ARID1B: variants seen among roughly 807,000 people sequenced by gnomAD.
The protein encoded by ARID1B is AT-rich interactive domain-containing protein 1B.
A neutral mutation model predicts 212.3 loss-of-function variants in ARID1B; 30 were observed. The ratio of observed to expected loss-of-function variants is 0.14; its 90% CI spans 0.11 to 0.19. The LOEUF (loss-of-function observed/expected upper bound fraction) is 0.19, where lower values mean the gene tolerates loss of function less well. Ranked by LOEUF, ARID1B falls within the 10% of genes least tolerant of loss-of-function variation. The probability of loss-of-function intolerance (pLI) is 1.00; values close to 1 mark genes in which losing one functional copy is unlikely to be tolerated. For synonymous variants in ARID1B, 1,402 were observed against 1,301.7 expected (o/e 1.08, Z -1.66); for missense variants, 2,891 against 3,204.0 (o/e 0.90, Z 2.36).
chr6:156,849,408 G>A (rs1278717677), intron 2 of ARID1B, among the ~76,000 whole-genome samples: 1 of 152,200 alleles, frequency 6.6e-6, no homozygotes, highest in African/African-American at 2.4e-5. Context: ...GAGGGATAAT[G>A]TTACAGAATT....
At chr6:157,038,891 T>C (rs1169621450) in intron 4 of ARID1B, among the ~76,000 whole-genome samples, 1 of 151,982 alleles carries the variant, frequency 6.6e-6, no homozygotes, top group East Asian at 1.9e-4. Context: ...ACCTAACAGG[T>C]TCCTTTTGTA....
At chr6:156,799,495 T>C (rs1583061780) in intron 1 of ARID1B, among the ~76,000 whole-genome samples, 2 of 152,376 alleles carry the variant, frequency 1.3e-5, no homozygotes, top group East Asian at 3.9e-4. Context: ...TATATATATT[T>C]GGACACGGAG....
chr6:156,925,370 A>G (rs79076132), intron 3 of ARID1B, among the ~76,000 whole-genome samples: 2,762 of 152,212 alleles, frequency 0.018, 74 homozygotes, highest in African/African-American at 0.062. Context: ...TTTGTTGGGT[A>G]TGGTGCCACA....
At chr6:156,801,066 C>T (rs1780747784) in intron 1 of ARID1B, among the ~76,000 whole-genome samples, 1 of 152,078 alleles carries the variant, frequency 6.6e-6, no homozygotes, top group Non-Finnish European at 1.5e-5. Flanking sequence ...GTTCTAGAGA[C>T]TCTTGAGTTG....
chr6:156,886,526 T>C (rs1787516325), intron 2 of ARID1B, among the ~76,000 whole-genome samples: 1 of 152,192 alleles, frequency 6.6e-6, no homozygotes, highest in African/African-American at 2.4e-5. Context: ...ACCTCCAAAG[T>C]GTCCTTGCCT....
intron 2 of ARID1B, among the ~76,000 whole-genome samples, chr6:156,861,829 A>C (rs562599458): frequency 7.9e-5 from 12 of 152,288 alleles, no homozygotes; most frequent in African/African-American, 2.9e-4. Context: ...TGGGCTAGAC[A>C]GGGAGCCTGA....
chr6:157,088,585 A>C (rs1021644999), intron 5 of ARID1B, among the ~76,000 whole-genome samples: 1 of 152,204 alleles, frequency 6.6e-6, no homozygotes, highest in Non-Finnish European at 1.5e-5. Context: ...TCCAGCGTGC[A>C]TTATGTTATA....
chr6:156,977,947 G>A (rs1323655073), intron 4 of ARID1B, among the ~76,000 whole-genome samples: 1 of 152,114 alleles, frequency 6.6e-6, no homozygotes, highest in African/African-American at 2.4e-5. Flanking sequence ...CCTCCCAAGG[G>A]CTCTGCGTGG....
intron 8 of ARID1B, chr6:157,166,760 T>C: frequency 3.6e-6 from 1 of 276,034 alleles, no homozygotes; most frequent in African/African-American, 2.2e-5. Flanking sequence ...TTCTTGCTTA[T>C]ATTCCTCTAT....
In ARID1B at chr6:156,779,339, C is replaced by T; in HGVS notation, c.1659C>T (p.Ala553=). 2.6e-6 allele frequency: 3 copies of T among 1,155,156 alleles called. No individual in the cohort carries two copies. Among genetic ancestry groups the T allele is most frequent in the South Asian group, 4.1e-5 (1 of 24,510 alleles). The allele number at this position is 1,155,156 out of a possible 1,614,324, so 71.6% of individuals were successfully genotyped here. ...AGAAAGGQQA[A]AGMGLGKDMG... The stretch of plus-strand genomic sequence containing the variant: ...CGGCGGCGGGCGGCCAGCAGGCGGC[C>T]GCGGGCATGGGCTTGGGCAAGGACA... The change falls in exon 1 of 20, where the codon GCC becomes GCT. Residue 553 remains alanine (A), a synonymous_variant. Transcript: ENST00000636930.
At chr6:157,109,457 T>C (rs1466593809) in intron 5 of ARID1B, among the ~76,000 whole-genome samples, 1 of 152,210 alleles carries the variant, frequency 6.6e-6, no homozygotes, top group Admixed American at 6.5e-5. Flanking sequence ...TTCCAATTTA[T>C]TGAAGCAAAG....
chr6:157,061,776 G>T (rs577031354), intron 4 of ARID1B, among the ~76,000 whole-genome samples: 13 of 152,144 alleles, frequency 8.5e-5, no homozygotes, highest in African/African-American at 3.1e-4. Context: ...TAATATACCA[G>T]AAATAAAAAA....
chr6:156,976,780 A>G (rs971332411), intron 4 of ARID1B: 7 of 547,230 alleles, frequency 1.3e-5, no homozygotes, highest in African/African-American at 1.1e-4. Context: ...TAGCGAGACC[A>G]CAAACCCATC....
At chr6:157,149,007 A>G in intron 8 of ARID1B, 56 bp downstream of exon 8, 2 of 1,523,052 alleles carry the variant, frequency 1.3e-6, no homozygotes, top group Non-Finnish European at 1.8e-6. Context: ...ACCCGTGACC[A>G]CGTGACTGCG....
chr6:157,105,001 G>T (rs1433901577), intron 5 of ARID1B, among the ~76,000 whole-genome samples: 1 of 152,196 alleles, frequency 6.6e-6, no homozygotes, highest in African/African-American at 2.4e-5. Context: ...GTGTGTGCTA[G>T]CCAGTGGAAC....
intron 6 of ARID1B, among the ~76,000 whole-genome samples, chr6:157,115,684 C>T (rs1347237115): frequency 2.0e-5 from 3 of 152,188 alleles, no homozygotes; most frequent in Non-Finnish European, 2.9e-5. Context: ...GCCTCTGCCT[C>T]CCAAAGTGCT....
chr6:157,009,666 T>C (rs1779451026), intron 4 of ARID1B, among the ~76,000 whole-genome samples: 1 of 152,268 alleles, frequency 6.6e-6, no homozygotes, highest in Non-Finnish European at 1.5e-5. Context: ...ATTTCACTAA[T>C]GTTTAATTGA....
At chr6:157,106,695 T>C (rs1197532368) in intron 5 of ARID1B, among the ~76,000 whole-genome samples, 1 of 152,190 alleles carries the variant, frequency 6.6e-6, no homozygotes, top group Non-Finnish European at 1.5e-5. Flanking sequence ...CTTCACATTC[T>C]TTGGATAGAA....
chr6:156,836,487 C>G (rs866927934), intron 2 of ARID1B, among the ~76,000 whole-genome samples: 3 of 152,104 alleles, frequency 2.0e-5, no homozygotes, highest in Admixed American at 6.5e-5. Flanking sequence ...GGGCCCAGAA[C>G]CAGGAGCTGG....
Sources: gnomAD v4.1 joint callset for allele counts (sites outside exome capture counted in the v4.1 genomes callset) on GRCh38, gnomAD v4.1.1 for gene constraint, MANE v1.5 for transcripts, NCBI Gene and HGNC (gene_info 2026-07-23, HGNC 2026-07-21) for gene names.